Variants in MALRD1 observed in about 807,000 individuals in gnomAD.
MALRD1 encodes the protein MAM and LDL receptor class A domain containing 1, also known as MAM and LDL-receptor class A domain-containing protein 1.
Under a neutral mutation model 242.1 loss-of-function variants are expected in MALRD1, and 247 were observed. The observed-to-expected ratio is 1.02, with a 90% CI of 0.92 to 1.13. The LOEUF (loss-of-function observed/expected upper bound fraction) is 1.13, where lower values mean the gene tolerates loss of function less well. MALRD1 is among the 50% of genes most tolerant of loss of function. The pLI, the probability that MALRD1 is intolerant of heterozygous loss-of-function variation, is 0.00. For synonymous variants in MALRD1, 995 were observed against 866.6 expected, an observed-to-expected ratio of 1.15 and a Z score of -2.60; for missense variants, 2,989 against 2,533.1, an observed-to-expected ratio of 1.18 and a Z score of -3.86.
intron 29 of MALRD1, among the ~76,000 whole-genome samples, chr10:19,484,753 A>G (rs935452500): frequency 1.3e-5 from 2 of 152,236 alleles, no homozygotes; most frequent in Admixed American, 1.3e-4. Flanking sequence ...CCTCTATGGA[A>G]AACAATGTGG....
At chr10:19,456,902 A>C (rs1835687526) in intron 29 of MALRD1, among the ~76,000 whole-genome samples, 1 of 152,004 alleles carries the variant, frequency 6.6e-6, no homozygotes, top group African/African-American at 2.4e-5. Flanking sequence ...CCTCGTGAGT[A>C]GCCGGGATTA....
chr10:19,132,864 A>G (rs1833169212), intron 8 of MALRD1, among the ~76,000 whole-genome samples: 1 of 152,194 alleles, frequency 6.6e-6, no homozygotes, highest in African/African-American at 2.4e-5. Flanking sequence ...GCATAAAAGC[A>G]TCAACATAAA....
At chr10:19,484,888 G>T (rs1837170265) in intron 29 of MALRD1, among the ~76,000 whole-genome samples, 1 of 152,154 alleles carries the variant, frequency 6.6e-6, no homozygotes. Flanking sequence ...TTTATCAACA[G>T]CACAATTCAC....
intron 8 of MALRD1, among the ~76,000 whole-genome samples, chr10:19,129,901 C>CAT (rs1028778633): frequency 6.7e-6 from 1 of 149,456 alleles, no homozygotes; most frequent in Non-Finnish European, 1.5e-5. Context: ...ATATGGATGT[C>CAT]ATATATATAT....
At chr10:19,475,829 T>C (rs35768167) in intron 29 of MALRD1, among the ~76,000 whole-genome samples, 1,709 of 152,336 alleles carry the variant, frequency 0.011, 23 homozygotes, top group Middle Eastern at 0.014. Context: ...CTCAATCTGA[T>C]TGCTCAGCTT....
At chr10:19,474,376 AGT>A (rs1274726453) in intron 29 of MALRD1, among the ~76,000 whole-genome samples, 1 of 152,164 alleles carries the variant, frequency 6.6e-6, no homozygotes, top group African/African-American at 2.4e-5. Flanking sequence ...AAGAGATTTG[AGT>A]AAAAGTGTCC....
intron 28 of MALRD1, among the ~76,000 whole-genome samples, chr10:19,420,178 C>T (rs1833666864): frequency 6.6e-6 from 1 of 152,066 alleles, no homozygotes; most frequent in Non-Finnish European, 1.5e-5. Flanking sequence ...TAGGGTTAGA[C>T]TGAGCAGGCT....
At chr10:19,396,330 G>A (rs578156322) in intron 28 of MALRD1, among the ~76,000 whole-genome samples, 10 of 151,652 alleles carry the variant, frequency 6.6e-5, no homozygotes, top group African/African-American at 2.2e-4. Flanking sequence ...AAAGACGGGG[G>A]TTTCACCATG....
chr10:19,360,934 T>G (rs973026311), intron 26 of MALRD1, among the ~76,000 whole-genome samples: 2 of 152,104 alleles, frequency 1.3e-5, no homozygotes, highest in Non-Finnish European at 2.9e-5. Context: ...ATTCATTCTT[T>G]CATATAGCTT....
intron 14 of MALRD1, among the ~76,000 whole-genome samples, chr10:19,203,382 A>T (rs1206245220): frequency 6.6e-6 from 1 of 152,292 alleles, no homozygotes; most frequent in East Asian, 1.9e-4. Context: ...GATGCCTCCC[A>T]GCTGATGTAA....
intron 12 of MALRD1, among the ~76,000 whole-genome samples, chr10:19,162,103 T>C (rs748965255): frequency 2.6e-5 from 4 of 152,270 alleles, no homozygotes; most frequent in Non-Finnish European, 5.9e-5. Flanking sequence ...TTTTTCACTT[T>C]GTTTAATTTT....
chr10:19,684,456 CA>C (rs534410453), intron 36 of MALRD1, among the ~76,000 whole-genome samples: 90 of 152,212 alleles, frequency 5.9e-4, no homozygotes, highest in Non-Finnish European at 1.2e-3. Flanking sequence ...TGAGTTGCTA[CA>C]AAAAATACCT....
At chr10:19,462,527 A>G (rs894201022) in intron 29 of MALRD1, among the ~76,000 whole-genome samples, 3 of 152,228 alleles carry the variant, frequency 2.0e-5, no homozygotes, top group South Asian at 2.1e-4. Context: ...ATAAAAACCT[A>G]TCTTTTCCAT....
chr10:19,530,385 T>TCTATATAA (rs1564417186), intron 31 of MALRD1, among the ~76,000 whole-genome samples: 4 of 85,284 alleles, frequency 4.7e-5, no homozygotes, highest in Non-Finnish European at 8.2e-5. Context: ...ATAAATATTA[T>TCTATATAA]ATATTTATAT....
At chr10:19,533,986 A>G (rs1834540472) in intron 32 of MALRD1, among the ~76,000 whole-genome samples, 2 of 152,186 alleles carry the variant, frequency 1.3e-5, no homozygotes, top group South Asian at 4.1e-4. Context: ...AACATAGACT[A>G]GGCTTGGGGC....
At chr10:19,294,101 T>A (rs1482176149) in intron 21 of MALRD1, among the ~76,000 whole-genome samples, 2 of 152,148 alleles carry the variant, frequency 1.3e-5, no homozygotes, top group Non-Finnish European at 2.9e-5. Context: ...TCACAGCATT[T>A]TTGACTAATA....
intron 7 of MALRD1, among the ~76,000 whole-genome samples, chr10:19,127,230 T>C (rs1386447052): frequency 6.6e-6 from 1 of 152,252 alleles, no homozygotes; most frequent in Non-Finnish European, 1.5e-5. Flanking sequence ...AAAAGATTAA[T>C]AGACTTTACT....
intron 36 of MALRD1, among the ~76,000 whole-genome samples, chr10:19,620,080 A>G (rs1176020667): frequency 6.6e-6 from 1 of 151,996 alleles, no homozygotes; most frequent in Non-Finnish European, 1.5e-5. Flanking sequence ...AATATAATCA[A>G]AGACCTTAAA....
At chr10:19,379,232 T>C (rs1432256422) in intron 26 of MALRD1, among the ~76,000 whole-genome samples, 1 of 152,168 alleles carries the variant, frequency 6.6e-6, no homozygotes, top group Non-Finnish European at 1.5e-5. Flanking sequence ...TCAGTTTTAC[T>C]GATATGTGCA....
Sources: allele counts gnomAD v4.1 joint callset (sites outside exome capture counted in the v4.1 genomes callset), GRCh38; gene constraint gnomAD v4.1.1; transcripts MANE v1.5; gene names NCBI Gene and HGNC (gene_info 2026-07-23, HGNC 2026-07-21).